LCLAT1: variants seen among roughly 807,000 people sequenced by gnomAD.
LCLAT1 encodes 1-AGP acyltransferase 8.
A neutral mutation model predicts 30.7 loss-of-function variants in LCLAT1; 11 were observed. The observed-to-expected ratio is 0.36, with a 90% confidence interval of 0.23 to 0.59. LCLAT1 has a LOEUF of 0.59. Ranked by LOEUF, LCLAT1 falls within the 20% of genes least tolerant of loss-of-function variation. LCLAT1 has a pLI of 0.77. For synonymous variants in LCLAT1, 155 were observed against 151.3 expected (o/e 1.02, Z -0.18); for missense variants, 402 against 458.6 (o/e 0.88, Z 1.13).
chr2:30,452,818 A>C (rs1681625894), intron 1 of LCLAT1, among the ~76,000 whole-genome samples: 1 of 152,012 alleles, frequency 6.6e-6, no homozygotes, highest in African/African-American at 2.4e-5. Context: ...TGTGGCTGTG[A>C]GGTAATGCCC....
chr2:30,536,345 T>C (rs1216253944), intron 3 of LCLAT1, among the ~76,000 whole-genome samples: 1 of 152,180 alleles, frequency 6.6e-6, no homozygotes, highest in African/African-American at 2.4e-5. Context: ...CACTTTATGG[T>C]CAAACTCTCA....
chr2:30,512,559 G>A (rs1262950601), intron 1 of LCLAT1, among the ~76,000 whole-genome samples: 1 of 152,154 alleles, frequency 6.6e-6, no homozygotes, highest in African/African-American at 2.4e-5. Context: ...ATAATCTTGA[G>A]TTTACTATGC....
At chr2:30,506,732 C>A (rs1045376766) in intron 1 of LCLAT1, among the ~76,000 whole-genome samples, 2 of 152,108 alleles carry the variant, frequency 1.3e-5, no homozygotes, top group African/African-American at 4.8e-5. Context: ...AAGAAAATTA[C>A]ATGGATCCTT....
At chr2:30,506,960 CAT>C (rs1433449385) in intron 1 of LCLAT1, among the ~76,000 whole-genome samples, 1 of 152,136 alleles carries the variant, frequency 6.6e-6, no homozygotes. Context: ...AAATAATGAA[CAT>C]ATTTCAATTC....
chr2:30,596,286 C>T (rs867040116), intron 5 of LCLAT1, among the ~76,000 whole-genome samples: 2 of 152,294 alleles, frequency 1.3e-5, no homozygotes, highest in South Asian at 4.1e-4. Flanking sequence ...TCTCGCTCCA[C>T]AGCCTTGCCA....
intron 3 of LCLAT1, among the ~76,000 whole-genome samples, chr2:30,548,482 C>T (rs768418817): frequency 4.6e-5 from 7 of 151,958 alleles, no homozygotes; most frequent in East Asian, 1.9e-4. Context: ...TACAATTGGC[C>T]GAGTTTATGT....
At chr2:30,519,709 C>T (rs529750565) in intron 1 of LCLAT1, among the ~76,000 whole-genome samples, 6 of 152,272 alleles carry the variant, frequency 3.9e-5, no homozygotes, top group East Asian at 1.9e-4. Flanking sequence ...TGAGAGCACC[C>T]GGGGAGGGAC....
chr2:30,565,217 C>T (rs528832762), intron 4 of LCLAT1, among the ~76,000 whole-genome samples: 7 of 152,206 alleles, frequency 4.6e-5, no homozygotes, highest in Non-Finnish European at 8.8e-5. Flanking sequence ...GGTAAGTCCA[C>T]GATCTGTAGG....
intron 1 of LCLAT1, among the ~76,000 whole-genome samples, chr2:30,470,702 G>A (rs1682736946): frequency 6.6e-6 from 1 of 152,126 alleles, no homozygotes; most frequent in African/African-American, 2.4e-5. Context: ...GGAAGTGTGA[G>A]TCCTCCAACT....
chr2:30,601,905 A>ATG (rs1667205973), intron 5 of LCLAT1, among the ~76,000 whole-genome samples: 1 of 115,454 alleles, frequency 8.7e-6, no homozygotes, highest in South Asian at 3.5e-4. Context: ...AGATATATAT[A>ATG]TAATGTTAAA....
intron 1 of LCLAT1, among the ~76,000 whole-genome samples, chr2:30,491,850 C>T (rs933018160): frequency 2.6e-5 from 4 of 151,808 alleles, no homozygotes; most frequent in African/African-American, 4.8e-5. Context: ...AAATAATAAC[C>T]AATAAACTGA....
intron 1 of LCLAT1, among the ~76,000 whole-genome samples, chr2:30,469,533 C>G (rs1164093844): frequency 6.1e-5 from 9 of 147,996 alleles, no homozygotes; most frequent in Admixed American, 2.0e-4. Context: ...GATGTATGGT[C>G]ATAATTCTGG....
At chr2:30,576,820 C>G (rs987440947) in intron 5 of LCLAT1, among the ~76,000 whole-genome samples, 1 of 151,822 alleles carries the variant, frequency 6.6e-6, no homozygotes, top group Non-Finnish European at 1.5e-5. Context: ...AATATTCTGT[C>G]TGCATTTTTC....
chr2:30,618,898 G>A (rs1303484507), intron 5 of LCLAT1, among the ~76,000 whole-genome samples: 1 of 151,990 alleles, frequency 6.6e-6, no homozygotes, highest in Non-Finnish European at 1.5e-5. Flanking sequence ...TAATCTGTAT[G>A]CCCTTTTTTG....
rs148590855 is a variant in LCLAT1, at chr2:30,513,408, G to C, written c.-4-12179G>C. 6.6e-4 allele frequency among the ~76,000 whole-genome samples: 100 copies of C among 152,158 alleles called. 2 individuals carry two copies. In the East Asian group the frequency reaches 0.011, roughly 17 times the overall value. On this transcript the variant is annotated intron_variant, in intron 1 of 5. Transcript: ENST00000379509. ...AATTTCTAGGGTTCCCTAGTTACTA[G>C]AGTAAAAAATGCAAGAAGTGCAACT...
At chr2:30,452,367 A>G (rs1681596142) in intron 1 of LCLAT1, among the ~76,000 whole-genome samples, 1 of 152,046 alleles carries the variant, frequency 6.6e-6, no homozygotes, top group East Asian at 1.9e-4. Context: ...CCAGGAGACA[A>G]ATGATGAAAA....
At chr2:30,632,126 A>T (rs1668796563) in intron 5 of LCLAT1, among the ~76,000 whole-genome samples, 1 of 152,246 alleles carries the variant, frequency 6.6e-6, no homozygotes, top group Admixed American at 6.5e-5. Flanking sequence ...GTCTCTAAAA[A>T]TATGTGTAAA....
intron 1 of LCLAT1, among the ~76,000 whole-genome samples, chr2:30,451,379 G>C (rs1402309184): frequency 6.6e-6 from 1 of 152,198 alleles, no homozygotes; most frequent in East Asian, 1.9e-4. Flanking sequence ...TCCTACCCGT[G>C]ATCAAATGCT....
chr2:30,628,029 G>A (rs758339317), intron 5 of LCLAT1, among the ~76,000 whole-genome samples: 22 of 152,064 alleles, frequency 1.4e-4, no homozygotes, highest in Admixed American at 6.5e-4. Context: ...AAAAAGTCTA[G>A]TAAAATTTCA....
Sources: allele counts gnomAD v4.1 joint callset (sites outside exome capture counted in the v4.1 genomes callset), GRCh38; gene constraint gnomAD v4.1.1; transcripts MANE v1.5; gene names NCBI Gene and HGNC (gene_info 2026-07-23, HGNC 2026-07-21).